Variants in FAF1 observed in about 807,000 individuals in gnomAD.
FAF1 encodes FAS-associated factor 1.
In FAF1, 25 loss-of-function variants were observed where a neutral mutation model predicts 92.5. The ratio of observed to expected loss-of-function variants is 0.27; its 90% CI spans 0.20 to 0.38. The LOEUF is 0.38. Ranked by LOEUF, FAF1 falls within the 10% of genes least tolerant of loss-of-function variation. The pLI, the probability that FAF1 is intolerant of heterozygous loss-of-function variation, is 1.00. For synonymous variants in FAF1, 234 were observed against 273.2 expected (o/e 0.86, Z 1.42); for missense variants, 636 against 793.3 (o/e 0.80, Z 2.38).
At chr1:50,698,072 A>G (rs1470261719) in intron 7 of FAF1, among the ~76,000 whole-genome samples, 1 of 152,176 alleles carries the variant, frequency 6.6e-6, no homozygotes, top group Non-Finnish European at 1.5e-5. Context: ...CCTTATCTTA[A>G]TATGCCAAGT....
intron 18 of FAF1, among the ~76,000 whole-genome samples, chr1:50,445,640 T>C (rs889832364): frequency 6.6e-6 from 1 of 152,206 alleles, no homozygotes; most frequent in Non-Finnish European, 1.5e-5. Flanking sequence ...GAGCTTGTGT[T>C]GTGCCATTTA....
intron 17 of FAF1, 71 bp from the exon 18 acceptor site, chr1:50,475,750 C>A: frequency 2.0e-6 from 2 of 1,023,564 alleles, no homozygotes; most frequent in Admixed American, 2.8e-5. Context: ...AGGAAGACAC[C>A]AGAAAAAAAG....
intron 1 of FAF1, among the ~76,000 whole-genome samples, chr1:50,875,035 G>A (rs188891302): frequency 2.0e-5 from 3 of 151,562 alleles, no homozygotes; most frequent in African/African-American, 4.8e-5. Flanking sequence ...CCAGAAGTGT[G>A]AGAAAGTTAT....
intron 2 of FAF1, among the ~76,000 whole-genome samples, chr1:50,857,284 A>G (rs1162131556): frequency 6.6e-6 from 1 of 151,578 alleles, no homozygotes; most frequent in East Asian, 1.9e-4. Context: ...TTTGAAAATT[A>G]GCACTTCTTC....
At chr1:50,442,517 A>ACACTG (rs1268509785) in intron 18 of FAF1, among the ~76,000 whole-genome samples, 4 of 152,224 alleles carry the variant, frequency 2.6e-5, no homozygotes, top group Non-Finnish European at 5.9e-5. Flanking sequence ...TGTGAGAGCA[A>ACACTG]CTGTAAAGAT....
At chr1:50,887,351 C>A (rs1245722479) in intron 1 of FAF1, among the ~76,000 whole-genome samples, 1 of 152,152 alleles carries the variant, frequency 6.6e-6, no homozygotes, top group Non-Finnish European at 1.5e-5. Context: ...ATGGTAGTTT[C>A]TTTTGCTGTG....
At chr1:50,884,137 AATG>A (rs1394283676) in intron 1 of FAF1, among the ~76,000 whole-genome samples, 1 of 152,172 alleles carries the variant, frequency 6.6e-6, no homozygotes, top group Non-Finnish European at 1.5e-5. Flanking sequence ...AATGAAGTAT[AATG>A]ATGTCTACAA....
chr1:50,663,014 AAAAGG>A (rs1655459462), intron 7 of FAF1, among the ~76,000 whole-genome samples: 1 of 151,742 alleles, frequency 6.6e-6, no homozygotes, highest in East Asian at 1.9e-4. Flanking sequence ...TATCTTTAGT[AAAAGG>A]TCAAACCTGG....
chr1:50,933,254 T>C (rs1356262442), intron 1 of FAF1, among the ~76,000 whole-genome samples: 3 of 152,240 alleles, frequency 2.0e-5, no homozygotes, highest in African/African-American at 7.2e-5. Context: ...TGAACTTTTA[T>C]GCTCTTTTGT....
At chr1:50,709,962 G>A (rs910041739) in intron 6 of FAF1, among the ~76,000 whole-genome samples, 6 of 152,184 alleles carry the variant, frequency 3.9e-5, no homozygotes, top group African/African-American at 1.2e-4. Context: ...CAGAAACGAC[G>A]ATGGGGGAAT....
Position 50,472,420 on chromosome 1 carries a change from CACAA to C in FAF1, c.1869+3040_1869+3043del, listed in dbSNP as rs1436055076. ...ACACACACACACACACACACACACA[CACAA>C]ACCCCAAAACCAAGTAACTCAATGC... On this transcript the variant is annotated intron_variant, in intron 18 of 18. Coordinates refer to ENST00000396153, the MANE Select transcript of FAF1 (RefSeq NM_007051.3). 2.1e-3 allele frequency among the ~76,000 whole-genome samples: 290 copies of C among 136,920 alleles called. 1 individual carries two copies. The highest frequency in any genetic ancestry group is 6.3e-3 in the East Asian group (31 of 4,916). The allele number at this position is 136,920 out of a possible 152,430, so 89.8% of individuals were successfully genotyped here.
intron 8 of FAF1, among the ~76,000 whole-genome samples, chr1:50,619,909 C>CTT (rs869279028): frequency 0.011 from 1,607 of 140,236 alleles, 33 homozygotes; most frequent in African/African-American, 0.037. Context: ...CTCTCTCTCT[C>CTT]TTTTTTTTTT....
rs951276536 is a variant in FAF1, at chr1:50,960,107, G to T, written c.-296C>A. 3 of 387,580 alleles carry T rather than the reference G, an allele frequency of 7.7e-6. No homozygotes were observed. The highest frequency in any genetic ancestry group is 2.1e-5 in the African/African-American group (1 of 48,140). 24.0% of individuals were successfully genotyped at this position (387,580 alleles called of 1,614,324 possible). ...ATGTGGGTCCGGTCTTACAGTCGCG[G>T]GCCAGGATGAGGGCAGGTTGCGACA... On this transcript the variant is annotated 5_prime_UTR_variant, in exon 1 of 19. Transcript: ENST00000396153.
chr1:50,781,096 C>T, intron 4 of FAF1: 1 of 362,460 alleles, frequency 2.8e-6, no homozygotes, highest in Non-Finnish European at 5.5e-6. Flanking sequence ...CTCACACTCT[C>T]AGGACATCAT....
At chr1:50,771,666 C>T (rs1357126032) in intron 4 of FAF1, among the ~76,000 whole-genome samples, 2 of 152,188 alleles carry the variant, frequency 1.3e-5, no homozygotes, top group African/African-American at 2.4e-5. Flanking sequence ...TTTGGGAGGC[C>T]GAGGTGGGCA....
intron 2 of FAF1, 54 bp from the exon 3 acceptor site, chr1:50,801,731 G>T: frequency 9.9e-7 from 1 of 1,006,054 alleles, no homozygotes; most frequent in Non-Finnish European, 1.6e-6. Context: ...ATGCCCAAGT[G>T]TGGTGGAGAA....
At chr1:50,444,819 A>G (rs943730641) in intron 18 of FAF1, among the ~76,000 whole-genome samples, 23 of 152,084 alleles carry the variant, frequency 1.5e-4, no homozygotes, top group African/African-American at 5.6e-4. Flanking sequence ...CCAAGGCTGC[A>G]GACAGAATAA....
chr1:50,652,324 G>A (rs1200511903), intron 8 of FAF1, among the ~76,000 whole-genome samples: 1 of 152,154 alleles, frequency 6.6e-6, no homozygotes, highest in East Asian at 1.9e-4. Context: ...TTAAAACATG[G>A]GTCTCATAAA....
intron 7 of FAF1, among the ~76,000 whole-genome samples, chr1:50,696,858 T>C (rs1225790154): frequency 1.3e-5 from 2 of 152,194 alleles, no homozygotes; most frequent in African/African-American, 2.4e-5. Context: ...TGTAAGTAGA[T>C]GTAAAGCTTG....
Sources: allele counts gnomAD v4.1 joint callset (sites outside exome capture counted in the v4.1 genomes callset), GRCh38; gene constraint gnomAD v4.1.1; transcripts MANE v1.5; gene names NCBI Gene and HGNC (gene_info 2026-07-23, HGNC 2026-07-21).